Variants in AJAP1 observed in about 807,000 individuals in gnomAD.
AJAP1 encodes the protein adherens junctions associated protein 1.
Under a neutral mutation model 35.0 loss-of-function variants are expected in AJAP1, and 5 were observed. The observed-to-expected ratio is 0.14, with a 90% CI of 0.07 to 0.30. The LOEUF (loss-of-function observed/expected upper bound fraction) is 0.30. AJAP1 is among the 10% of genes least tolerant of loss of function. The probability of loss-of-function intolerance (pLI) is 1.00; values close to 1 mark genes in which losing one functional copy is unlikely to be tolerated. For synonymous variants in AJAP1, 284 were observed against 249.3 expected (o/e 1.14, Z -1.31); for missense variants, 586 against 571.0 (o/e 1.03, Z -0.27).
intron 1 of AJAP1, among the ~76,000 whole-genome samples, chr1:4,691,519 G>A (rs979256727): frequency 1.3e-5 from 2 of 152,236 alleles, no homozygotes; most frequent in Non-Finnish European, 2.9e-5. Context: ...CCCGGGAGTG[G>A]CTCCAGAGAG....
Position 4,765,068 on chromosome 1 carries a change from C to G in AJAP1, c.830-4785C>G, listed in dbSNP as rs147302204. On this transcript the variant is annotated intron_variant, in intron 2 of 5. Coordinates refer to ENST00000378191, the MANE Select transcript of AJAP1 (RefSeq NM_018836.4). Reference sequence around the variant, plus strand: ...TTCATCATCTGGATGGCAGCTGATTCCTCACGCATTAGTATACAGTGGCGA... The same window carrying G: ...TTCATCATCTGGATGGCAGCTGATTGCTCACGCATTAGTATACAGTGGCGA... Among the ~76,000 whole-genome samples the G allele has an allele frequency of 7.9e-5, 12 of 152,254 alleles. No homozygotes were observed. In the East Asian group the frequency reaches 2.3e-3, roughly 29 times the overall value.
rs990229408 is a variant in AJAP1 at position 4,692,322 on chromosome 1, G to A, written c.30-19578G>A. 6.6e-6 allele frequency among the ~76,000 whole-genome samples: 1 copy of A among 152,148 alleles called. No homozygotes were observed. The highest frequency in any genetic ancestry group is 2.4e-5 in the African/African-American group (1 of 41,442). Reference sequence around the variant, plus strand: ...CGCCCTGGGCTGCTCTCCTCTCTCCGTCTCTGGGCCCCTCATGCAGCCCTT... The same window carrying A: ...CGCCCTGGGCTGCTCTCCTCTCTCCATCTCTGGGCCCCTCATGCAGCCCTT... On this transcript the variant is annotated intron_variant, in intron 1 of 5. Coordinates refer to ENST00000378191, the MANE Select transcript of AJAP1 (RefSeq NM_018836.4). The surrounding 1 kb of genome is among the most constrained non-coding windows in gnomAD (Gnocchi z 4.4).
rs1254364995 is a variant in AJAP1, at chr1:4,655,842, G to A, written c.29+388G>A. 2.0e-5 allele frequency among the ~76,000 whole-genome samples: 3 copies of A among 150,240 alleles called. No homozygotes were observed. The highest frequency in any genetic ancestry group is 4.5e-5 in the Non-Finnish European group (3 of 67,392). Reference sequence around the variant, plus strand: ...GCCGCTGGGCGCGGCGGGCGCGGGGGCCGGGGCTGCCGGGGAAAGCTAAAG... The same window carrying A: ...GCCGCTGGGCGCGGCGGGCGCGGGGACCGGGGCTGCCGGGGAAAGCTAAAG... On this transcript the variant is annotated intron_variant, in intron 1 of 5. Transcript: ENST00000378191. This position sits in a 1 kb window ranked among gnomAD's most constrained non-coding sequence, Gnocchi z 6.9.
intron 2 of AJAP1, among the ~76,000 whole-genome samples, chr1:4,756,501 C>T (rs1295788880): frequency 6.6e-6 from 1 of 152,168 alleles, no homozygotes; most frequent in Non-Finnish European, 1.5e-5. Flanking sequence ...AGCTCTTTCT[C>T]TCCAACTCAC....
intron 5 of AJAP1, among the ~76,000 whole-genome samples, chr1:4,778,626 CT>C (rs1641986994): frequency 6.6e-6 from 1 of 151,854 alleles, no homozygotes; most frequent in East Asian, 1.9e-4. Flanking sequence ...CTCTCTGTCT[CT>C]CCCCCTCTCC....
At chr1:4,748,755 A>C (rs77001155) in intron 2 of AJAP1, among the ~76,000 whole-genome samples, 1 of 140,630 alleles carries the variant, frequency 7.1e-6, no homozygotes, top group African/African-American at 2.5e-5. Flanking sequence ...CTCAAAAAAA[A>C]AAAAAAAAAA....
chr1:4,719,101 T>A (rs1640461432), intron 2 of AJAP1, among the ~76,000 whole-genome samples: 1 of 152,192 alleles, frequency 6.6e-6, no homozygotes, highest in African/African-American at 2.4e-5. Context: ...TGCCATCCGC[T>A]CACAGGGGAA....
chr1:4,679,279 C>G (rs542806601), intron 1 of AJAP1, among the ~76,000 whole-genome samples: 1 of 152,336 alleles, frequency 6.6e-6, no homozygotes, highest in East Asian at 1.9e-4. Context: ...CTTGTCTCCT[C>G]TCCTGGGACC....
intron 2 of AJAP1, among the ~76,000 whole-genome samples, chr1:4,760,864 TA>T: frequency 6.6e-6 from 1 of 152,252 alleles, no homozygotes; most frequent in East Asian, 1.9e-4. Flanking sequence ...ATGCCATACA[TA>T]AAGTGCCCAC....
chr1:4,731,175 G>A (rs1468153505), intron 2 of AJAP1, among the ~76,000 whole-genome samples: 3 of 152,116 alleles, frequency 2.0e-5, no homozygotes, highest in African/African-American at 7.2e-5. Context: ...CCGCCTTCCG[G>A]GTTCAAGCGA....
At chr1:4,768,617 G>A (rs553303383) in intron 2 of AJAP1, among the ~76,000 whole-genome samples, 9 of 152,354 alleles carry the variant, frequency 5.9e-5, no homozygotes, top group South Asian at 2.1e-4. Context: ...TGTGAGGGGC[G>A]GGTCTCTGCA....
intron 2 of AJAP1, among the ~76,000 whole-genome samples, chr1:4,751,006 C>T (rs530651577): frequency 6.6e-6 from 1 of 151,560 alleles, no homozygotes; most frequent in South Asian, 2.1e-4. Flanking sequence ...GTCAGATGAT[C>T]CCTTTTGGCA....
At chr1:4,661,094 A>G (rs1171773383) in intron 1 of AJAP1, among the ~76,000 whole-genome samples, 2 of 152,204 alleles carry the variant, frequency 1.3e-5, no homozygotes, top group East Asian at 3.9e-4. Flanking sequence ...CTTTGCTCTT[A>G]TCACCTCATT....
intron 2 of AJAP1, among the ~76,000 whole-genome samples, chr1:4,760,596 C>T (rs971247947): frequency 1.3e-5 from 2 of 152,196 alleles, no homozygotes; most frequent in Non-Finnish European, 2.9e-5. Flanking sequence ...TTCCCGGCCA[C>T]GATGCAGCAT....
At chr1:4,685,365 C>T (rs965064598) in intron 1 of AJAP1, among the ~76,000 whole-genome samples, 9 of 152,204 alleles carry the variant, frequency 5.9e-5, no homozygotes, top group African/African-American at 1.7e-4. Flanking sequence ...CTCTCCACAG[C>T]GCTGAGCACA....
chr1:4,744,224 G>A (rs1052864028), intron 2 of AJAP1, among the ~76,000 whole-genome samples: 28 of 152,316 alleles, frequency 1.8e-4, no homozygotes, highest in African/African-American at 6.5e-4. Flanking sequence ...GATGGCAGGC[G>A]TGTCTCGTCT....
In AJAP1 at chr1:4,772,410, T is replaced by C. The variant is rs1323261077; in HGVS notation, c.1048T>C (p.Tyr350His). 2 of 1,614,104 alleles carry C rather than the reference T, an allele frequency of 1.2e-6. No individual in the cohort carries two copies. Among genetic ancestry groups the C allele is most frequent in the Non-Finnish European group, 1.7e-6 (2 of 1,180,064 alleles). The change falls in exon 4 of 6, where the codon TAT becomes CAT. Residue 350 changes from tyrosine to histidine, a missense_variant. Tyr to His is a moderately conservative substitution (Grantham distance 83). Coordinates refer to ENST00000378191, the MANE Select transcript of AJAP1 (RefSeq NM_018836.4). ...VPSSLDIFTA[Y>H]NETLQCSHEC... ...CAGCAGCCTGGACATATTCACGGCC[T>C]ATAACGAGACCCTGCAGTGTTCTCA... is the stretch of plus-strand genomic sequence containing the variant.
At chr1:4,780,098 T>A (rs7544523) in intron 5 of AJAP1, among the ~76,000 whole-genome samples, 2 of 145,610 alleles carry the variant, frequency 1.4e-5, no homozygotes, top group East Asian at 2.0e-4. Context: ...GAGCTGAGAT[T>A]GTGCCACTGC....
At chr1:4,763,997 C>T (rs1641627939) in intron 2 of AJAP1, among the ~76,000 whole-genome samples, 1 of 152,032 alleles carries the variant, frequency 6.6e-6, no homozygotes, top group Non-Finnish European at 1.5e-5. Context: ...TGCCCACTGA[C>T]CTGAACCCCC....
Sources: gnomAD v4.1 joint callset for allele counts (sites outside exome capture counted in the v4.1 genomes callset) on GRCh38, gnomAD v4.1.1 for gene constraint, Gnocchi (gnomAD v3.1) non-coding constraint, MANE v1.5 for transcripts, NCBI Gene and HGNC (gene_info 2026-07-23, HGNC 2026-07-21) for gene names.